Variants in CAPSL observed in about 807,000 individuals in gnomAD.
The protein encoded by CAPSL is calcyphosin-like protein.
In CAPSL, 17 loss-of-function variants were observed where a neutral mutation model predicts 21.3. That is an observed-to-expected ratio of 0.80 (90% confidence interval 0.55 to 1.20). CAPSL has a LOEUF of 1.20. Ranked by LOEUF, CAPSL falls within the 50% of genes most tolerant of loss-of-function variation. The pLI is 0.00. For synonymous variants in CAPSL, 102 were observed against 89.3 expected (o/e 1.14, Z -0.80); for missense variants, 289 against 259.3 (o/e 1.11, Z -0.79).
intron 1 of CAPSL, among the ~76,000 whole-genome samples, chr5:35,931,802 T>C (rs1053623777): frequency 7.2e-5 from 11 of 152,212 alleles, no homozygotes; most frequent in Non-Finnish European, 1.0e-4. Flanking sequence ...TTGGTTTCAG[T>C]GTTTATGTGC....
intron 2 of CAPSL, among the ~76,000 whole-genome samples, chr5:35,913,519 C>A (rs1431374607): frequency 1.3e-5 from 2 of 152,120 alleles, no homozygotes; most frequent in Non-Finnish European, 2.9e-5. Flanking sequence ...TCAGCAGAAA[C>A]TCTACAAGCC....
At chr5:35,928,923 G>A (rs1389921753) in intron 1 of CAPSL, among the ~76,000 whole-genome samples, 2 of 148,970 alleles carry the variant, frequency 1.3e-5, no homozygotes, top group African/African-American at 5.0e-5. Flanking sequence ...TGGTGTAGAT[G>A]CTGCGGCTGG....
intron 2 of CAPSL, among the ~76,000 whole-genome samples, chr5:35,919,170 A>AAAAATATATATATAT (rs754098152): frequency 2.4e-4 from 29 of 121,266 alleles, no homozygotes; most frequent in South Asian, 5.2e-4. Flanking sequence ...TAAAAAAAAA[A>AAAAATATATATATAT]ATATATATAT....
At chr5:35,910,161 C>T (rs372581109) in intron 3 of CAPSL, 86 bp from the exon 4 acceptor site, 6 of 1,202,368 alleles carry the variant, frequency 5.0e-6, no homozygotes, top group African/African-American at 3.1e-5. Flanking sequence ...TCTCATTCCC[C>T]TCAACGATGT....
intron 1 of CAPSL, among the ~76,000 whole-genome samples, chr5:35,926,745 G>A (rs1025450100): frequency 6.6e-6 from 1 of 152,146 alleles, no homozygotes. Flanking sequence ...TTGCTAAAGA[G>A]GCAACCCTAG....
At chr5:35,910,297 T>A in intron 3 of CAPSL, 69 bp downstream of exon 3, 1 of 1,526,348 alleles carries the variant, frequency 6.6e-7, no homozygotes, top group Non-Finnish European at 8.9e-7. Context: ...AAACAAAACC[T>A]CAAGGTAGCC....
At chr5:35,916,856 T>C (rs1738402392) in intron 2 of CAPSL, among the ~76,000 whole-genome samples, 1 of 152,076 alleles carries the variant, frequency 6.6e-6, no homozygotes, top group Non-Finnish European at 1.5e-5. Context: ...AAAGCCAAAA[T>C]GGACAAATGG....
intron 1 of CAPSL, among the ~76,000 whole-genome samples, chr5:35,926,674 T>G (rs1378305796): frequency 8.5e-5 from 13 of 152,174 alleles, no homozygotes; most frequent in Admixed American, 8.5e-4. Flanking sequence ...TACATCTCTC[T>G]TCCTTTCTCT....
chr5:35,919,753 C>T (rs1320072383), intron 2 of CAPSL, among the ~76,000 whole-genome samples: 2 of 152,068 alleles, frequency 1.3e-5, no homozygotes, highest in South Asian at 2.1e-4. Context: ...AGGCCAAGGC[C>T]AGTAAGTGAG....
intron 1 of CAPSL, among the ~76,000 whole-genome samples, chr5:35,934,623 T>G (rs6878838): frequency 6.6e-6 from 1 of 152,174 alleles, no homozygotes; most frequent in African/African-American, 2.4e-5. Flanking sequence ...GCCACAGTTT[T>G]TCAGTGACCA....
At chr5:35,929,178 A>G (rs1420805663) in intron 1 of CAPSL, among the ~76,000 whole-genome samples, 2 of 151,734 alleles carry the variant, frequency 1.3e-5, no homozygotes, top group Non-Finnish European at 2.9e-5. Context: ...ATCAAATACT[A>G]CTGCCCTATT....
At chr5:35,920,838 A>G in intron 2 of CAPSL, 146 bp downstream of exon 2, 6 of 807,312 alleles carry the variant, frequency 7.4e-6, no homozygotes, top group Non-Finnish European at 1.1e-5. Context: ...TCATAGATCA[A>G]CTCTTCTAAA....
At chr5:35,919,170 A>AAAAAAAAAATATATATATAT (rs754098152) in intron 2 of CAPSL, among the ~76,000 whole-genome samples, 2 of 121,274 alleles carry the variant, frequency 1.6e-5, no homozygotes, top group Non-Finnish European at 3.6e-5. Flanking sequence ...TAAAAAAAAA[A>AAAAAAAAAATATATATATAT]ATATATATAT....
In CAPSL at chr5:35,910,441, C is replaced by T; in HGVS notation, c.240G>A (p.Val80=). The T allele has an allele frequency of 1.2e-6, 2 of 1,613,798 alleles. No homozygotes were observed. Among genetic ancestry groups the T allele is most frequent in the Non-Finnish European group, 1.7e-6 (2 of 1,179,774 alleles). Residue 80 remains valine, a synonymous_variant, in exon 3 of 5, where the codon GTG becomes GTA. Coordinates refer to ENST00000651391, the MANE Select transcript of CAPSL (RefSeq NM_001042625.2). ...DYAVVMEKEE[V]EELFRRFDKD... The stretch of plus-strand genomic sequence containing the variant: ...TATCAAACCTCCGGAAAAGTTCTTC[C>T]ACCTCTTCTTTTTCCATGACCACAG...
chr5:35,910,316 C>T, intron 3 of CAPSL, 50 bp downstream of exon 3: 1 of 1,578,488 alleles, frequency 6.3e-7, no homozygotes, highest in East Asian at 2.2e-5. Flanking sequence ...CCAACCCAAA[C>T]CACGTGAAAG....
intron 1 of CAPSL, among the ~76,000 whole-genome samples, chr5:35,932,112 G>C (rs1046353578): frequency 2.6e-5 from 4 of 152,068 alleles, no homozygotes; most frequent in Admixed American, 2.6e-4. Flanking sequence ...TTGTATCCTA[G>C]TTGTTCTTAA....
chr5:35,933,313 A>T (rs1490824515), intron 1 of CAPSL, among the ~76,000 whole-genome samples: 1 of 152,212 alleles, frequency 6.6e-6, no homozygotes, highest in East Asian at 1.9e-4. Flanking sequence ...AGTCTTGATA[A>T]CAATTCTTAT....
intron 4 of CAPSL, among the ~76,000 whole-genome samples, chr5:35,908,633 A>C (rs955615281): frequency 1.3e-5 from 2 of 152,214 alleles, no homozygotes; most frequent in Non-Finnish European, 2.9e-5. Context: ...CTGACATCTC[A>C]GTGATCAAGG....
chr5:35,920,394 G>A (rs1034339571), intron 2 of CAPSL, among the ~76,000 whole-genome samples: 1 of 152,140 alleles, frequency 6.6e-6, no homozygotes, highest in Admixed American at 6.5e-5. Flanking sequence ...ATAATGCACA[G>A]GACCTGCCCT....
Sources: allele counts gnomAD v4.1 joint callset (sites outside exome capture counted in the v4.1 genomes callset), GRCh38; gene constraint gnomAD v4.1.1; transcripts MANE v1.5; gene names NCBI Gene and HGNC (gene_info 2026-07-23, HGNC 2026-07-21).